PTBP3: variants seen among roughly 807,000 people sequenced by gnomAD.
PTBP3 encodes polypyrimidine tract-binding protein 3.
In PTBP3, 20 loss-of-function variants were observed where a neutral mutation model predicts 58.7. The observed-to-expected ratio is 0.34, with a 90% CI of 0.24 to 0.50. The LOEUF is 0.50. Ranked by LOEUF, PTBP3 falls within the 20% of genes least tolerant of loss-of-function variation. PTBP3 has a pLI of 0.98. For synonymous variants in PTBP3, 185 were observed against 219.8 expected (o/e 0.84, Z 1.40); for missense variants, 509 against 637.2 (o/e 0.80, Z 2.17).
intron 7 of PTBP3, among the ~76,000 whole-genome samples, chr9:112,250,300 C>T (rs1564405067): frequency 6.6e-6 from 1 of 152,066 alleles, no homozygotes; most frequent in Non-Finnish European, 1.5e-5. Flanking sequence ...CATATACTAA[C>T]CTAATAAGAT....
the PTBP3 span, among the ~76,000 whole-genome samples, chr9:112,357,830 A>C: frequency 6.6e-6 from 1 of 152,144 alleles, no homozygotes; most frequent in African/African-American, 2.4e-5. Context: ...CAACTGGAGC[A>C]ATTTTGCCTC....
rs58593707 is a variant in PTBP3 at position 112,331,126 on chromosome 9, C to CA, written c.-52+2343_-52+2344insT. 1.9e-3 allele frequency among the ~76,000 whole-genome samples: 274 copies of CA among 147,676 alleles called. 7 individuals are homozygous for CA. The East Asian group carries it at 0.025, about 13-fold the overall frequency. On this transcript the variant is annotated intron_variant, in intron 1 of 13. Coordinates refer to ENST00000374257, the MANE Select transcript of PTBP3 (RefSeq NM_001163788.4). The stretch of plus-strand genomic sequence containing the variant: ...ACACACACACACACACACACACACA[C>CA]GAGAGACAGTTGGGATTTGAGGAGG...
At chr9:112,295,802 C>A (rs566577520) in intron 2 of PTBP3, among the ~76,000 whole-genome samples, 2 of 151,964 alleles carry the variant, frequency 1.3e-5, no homozygotes, top group Non-Finnish European at 2.9e-5. Context: ...AAAGATAATA[C>A]CAAAAAATGA....
intron 9 of PTBP3, among the ~76,000 whole-genome samples, chr9:112,231,860 G>T (rs1426419872): frequency 6.6e-6 from 1 of 151,158 alleles, no homozygotes; most frequent in Non-Finnish European, 1.5e-5. Flanking sequence ...GTGAGTGAAT[G>T]CAGCACCACA....
At chr9:112,252,056 A>C (rs988853023) in intron 6 of PTBP3, among the ~76,000 whole-genome samples, 6 of 152,182 alleles carry the variant, frequency 3.9e-5, no homozygotes, top group African/African-American at 1.4e-4. Context: ...GGTATGTCTA[A>C]GATAATCGAA....
At position 112,236,926 on chromosome 9, in the gene PTBP3, C is replaced by T. The variant is rs947223611; in HGVS notation, c.803-2029G>A. ...GCTGCAAGAGCTTATTCACAGCTGC[C>T]GAGGCATGGGAGAGAAATAAACATT... On this transcript the variant is annotated intron_variant, in intron 7 of 13. Transcript: ENST00000374257. Among the ~76,000 whole-genome samples the T allele has an allele frequency of 3.3e-5, 5 of 152,032 alleles. No individual in the cohort carries two copies. The East Asian group carries it at 7.7e-4, about 24-fold the overall frequency.
chr9:112,224,134 G>T lies in PTBP3; in HGVS notation c.1441C>A (p.Gln481Lys). The T allele has an allele frequency of 6.3e-7, 1 of 1,578,860 alleles. No homozygotes were observed. Among genetic ancestry groups the T allele is most frequent in the Non-Finnish European group, 8.6e-7 (1 of 1,163,200 alleles). Residue 481 changes from glutamine (Q) to lysine (K), a missense_variant and splice_region_variant, in exon 13 of 14, where the codon CAG (glutamine) becomes AAG (lysine). Around this residue, in one of 4 missense-constraint regions of PTBP3, gnomAD observed 135 missense variants for 229.0 expected, o/e 0.59. Transcript: ENST00000374257. ...GCSVKAFKFF[Q>K]KDRKMALIQL... is the part of the protein sequence containing the mutation. The stretch of plus-strand genomic sequence containing the variant: ...TATTTCTTGAAAGCAAAGACTTACT[G>T]AAAGAATTTAAAAGCCTTCACTGAA...
intron 7 of PTBP3, among the ~76,000 whole-genome samples, chr9:112,245,103 G>A (rs904642008): frequency 3.3e-5 from 5 of 152,124 alleles, no homozygotes; most frequent in African/African-American, 9.7e-5. Flanking sequence ...GAGGTCAGGA[G>A]TTCAAGACCA....
Position 112,223,654 on chromosome 9 carries a change from G to T in PTBP3, c.*197C>A. 2 of 1,282,518 alleles carry T rather than the reference G, an allele frequency of 1.6e-6. No individual in the cohort carries two copies. Among genetic ancestry groups the T allele is most frequent in the Non-Finnish European group, 2.0e-6 (2 of 1,013,460 alleles). The allele number at this position is 1,282,518 out of a possible 1,614,324, so 79.4% of individuals were successfully genotyped here. A position where few individuals can be genotyped will look rare whatever the true frequency, so the allele number is the denominator to read the frequency against. Reference sequence around the variant, plus strand: ...TTTTTGTAGAAACCATGGTAAAAAGGGAAAAGAAACCTTTGACTGGCGGGG... The same window carrying T: ...TTTTTGTAGAAACCATGGTAAAAAGTGAAAAGAAACCTTTGACTGGCGGGG... On this transcript the variant is annotated 3_prime_UTR_variant, in exon 14 of 14. Coordinates refer to ENST00000374257, the MANE Select transcript of PTBP3 (RefSeq NM_001163788.4).
At chr9:112,290,991 G>A (rs941130911) in intron 2 of PTBP3, among the ~76,000 whole-genome samples, 4 of 151,972 alleles carry the variant, frequency 2.6e-5, no homozygotes, top group Non-Finnish European at 5.9e-5. Context: ...GGAGGCCAAG[G>A]TGAGCGGATC....
chr9:112,292,046 T>C (rs912348561), intron 2 of PTBP3, among the ~76,000 whole-genome samples: 13 of 152,020 alleles, frequency 8.6e-5, no homozygotes, highest in Admixed American at 6.5e-4. Flanking sequence ...AATGGGCAAA[T>C]TGAAGTCTGG....
chr9:112,290,699 T>TACACACAC (rs1221818154), intron 2 of PTBP3, among the ~76,000 whole-genome samples: 4,141 of 64,272 alleles, frequency 0.064, 128 homozygotes, highest in South Asian at 0.13. Flanking sequence ...TATATATATA[T>TACACACAC]ATATATATAC....
chr9:112,376,197 A>ATATGTG, the PTBP3 span, among the ~76,000 whole-genome samples: 4 of 112,142 alleles, frequency 3.6e-5, no homozygotes, highest in East Asian at 1.1e-3. Context: ...TTCCTTATAT[A>ATATGTG]CGTGTGTGTG....
chr9:112,346,196 C>G, the PTBP3 span, among the ~76,000 whole-genome samples: 1 of 151,498 alleles, frequency 6.6e-6, no homozygotes, highest in Non-Finnish European at 1.5e-5. Context: ...GAAACGAAGT[C>G]TTGCTCTGTG....
chr9:112,228,703 C>A (rs1254133824), intron 10 of PTBP3, among the ~76,000 whole-genome samples: 1 of 152,132 alleles, frequency 6.6e-6, no homozygotes, highest in Non-Finnish European at 1.5e-5. Flanking sequence ...TGATTCATCC[C>A]CCCTTTCCTC....
At chr9:112,292,240 T>C (rs780987745) in intron 2 of PTBP3, among the ~76,000 whole-genome samples, 1 of 152,200 alleles carries the variant, frequency 6.6e-6, no homozygotes, top group Non-Finnish European at 1.5e-5. Flanking sequence ...CTCACATCTG[T>C]TAGGATGGCC....
chr9:112,222,096 C>T lies in PTBP3; in HGVS notation c.*1755G>A, dbSNP rs1482690056. The T allele has an allele frequency of 3.0e-6, 3 of 985,078 alleles. No individual in the cohort carries two copies. The highest frequency in any genetic ancestry group is 2.4e-6 in the Non-Finnish European group (2 of 829,220). The allele number at this position is 985,078 out of a possible 1,614,324, so 61.0% of individuals were successfully genotyped here. ...AGGCGCACAGGCGCACACCACCATG[C>T]CCAGCAAGATATTCTTTATTCTTTT... On this transcript the variant is annotated 3_prime_UTR_variant, in exon 14 of 14. Transcript: ENST00000374257.
chr9:112,333,088 C>T, intron 1 of PTBP3: 5 of 1,277,426 alleles, frequency 3.9e-6, no homozygotes, highest in Non-Finnish European at 4.9e-6. Context: ...CTCCGCCTCC[C>T]CCAGCGCCGC....
the PTBP3 span, among the ~76,000 whole-genome samples, chr9:112,348,299 G>C: frequency 6.6e-6 from 1 of 152,192 alleles, no homozygotes; most frequent in African/African-American, 2.4e-5. Context: ...GCCAGGAAAA[G>C]GTAGTTTCCC....
Sources: allele counts gnomAD v4.1 joint callset (sites outside exome capture counted in the v4.1 genomes callset), GRCh38; gene constraint gnomAD v4.1.1; regional missense constraint gnomAD v4.1.1; transcripts MANE v1.5; gene names NCBI Gene and HGNC (gene_info 2026-07-23, HGNC 2026-07-21).